Variants in GFOD1 observed in about 807,000 individuals in gnomAD.
GFOD1 encodes the protein Gfo/Idh/MocA-like oxidoreductase domain containing 1, also known as glucose-fructose oxidoreductase domain-containing protein 1.
GFOD1 carries 9 observed loss-of-function variants against 25.4 expected under a neutral mutation model. The ratio of observed to expected loss-of-function variants is 0.35; its 90% confidence interval spans 0.21 to 0.62. The LOEUF (loss-of-function observed/expected upper bound fraction) is 0.62. GFOD1 is among the 20% of genes least tolerant of loss of function. The pLI is 0.72. For missense variants in GFOD1, 403 were observed against 556.9 expected (o/e 0.72, Z 2.78); for synonymous variants, 253 against 245.6 (o/e 1.03, Z -0.28).
intron 1 of GFOD1, among the ~76,000 whole-genome samples, chr6:13,475,130 G>A (rs1025524547): frequency 1.3e-5 from 2 of 152,136 alleles, no homozygotes; most frequent in African/African-American, 4.8e-5. Context: ...AAATGAGTAT[G>A]AGATTTGAAT....
chr6:13,408,892 C>A (rs1369915219), intron 1 of GFOD1, among the ~76,000 whole-genome samples: 1 of 151,822 alleles, frequency 6.6e-6, no homozygotes, highest in Non-Finnish European at 1.5e-5. Context: ...TTGATACCAG[C>A]CTGGCTAACA....
At chr6:13,445,820 G>C (rs540919965) in intron 1 of GFOD1, among the ~76,000 whole-genome samples, 1 of 152,286 alleles carries the variant, frequency 6.6e-6, no homozygotes, top group South Asian at 2.1e-4. Context: ...TGTGACACAG[G>C]CTTGTCCTGC....
At chr6:13,426,255 C>T (rs778435142) in intron 1 of GFOD1, among the ~76,000 whole-genome samples, 4 of 152,238 alleles carry the variant, frequency 2.6e-5, no homozygotes, top group Non-Finnish European at 5.9e-5. Context: ...AGGCCACACA[C>T]GCCCCCAGGC....
chr6:13,479,754 T>C (rs543607188), intron 1 of GFOD1, among the ~76,000 whole-genome samples: 19 of 152,382 alleles, frequency 1.2e-4, no homozygotes, highest in Middle Eastern at 6.8e-3. Context: ...GAAATGAGAT[T>C]GGTGATGCTT....
At chr6:13,477,823 T>TG (rs1030279796) in intron 1 of GFOD1, among the ~76,000 whole-genome samples, 1 of 152,074 alleles carries the variant, frequency 6.6e-6, no homozygotes, top group Non-Finnish European at 1.5e-5. Flanking sequence ...CCCAACACTT[T>TG]GGAAGACTGA....
rs1784954705 is a variant in GFOD1, at chr6:13,362,058, T to C, written c.*2685A>G. ...AAAAATGAAACCCATTGAATCATTTTGTTTACTTTCCCTTCATCCTTAATC... is the reference window on the plus strand; with the variant it reads ...AAAAATGAAACCCATTGAATCATTTCGTTTACTTTCCCTTCATCCTTAATC... On this transcript the variant is annotated 3_prime_UTR_variant, in exon 2 of 2. Transcript: ENST00000379287. The C allele has an allele frequency of 6.6e-6, 1 of 152,208 alleles. No individual in the cohort carries two copies. Among genetic ancestry groups the C allele is most frequent in the African/African-American group, 2.4e-5 (1 of 41,458 alleles). The allele number at this position is 152,208 out of a possible 1,614,324, so 9.4% of individuals were successfully genotyped here.
chr6:13,397,311 A>T (rs1033737348), intron 1 of GFOD1, among the ~76,000 whole-genome samples: 3 of 152,130 alleles, frequency 2.0e-5, no homozygotes, highest in African/African-American at 7.2e-5. Flanking sequence ...AAATTTACCA[A>T]AGAGAAATGA....
At chr6:13,428,966 G>A (rs1333010798) in intron 1 of GFOD1, among the ~76,000 whole-genome samples, 1 of 152,214 alleles carries the variant, frequency 6.6e-6, no homozygotes, top group Non-Finnish European at 1.5e-5. Context: ...TATGAAAAGT[G>A]GGAATAAATG....
chr6:13,429,479 G>A lies in GFOD1; in HGVS notation c.253+57159C>T, dbSNP rs1176805124. ...GACACAGGGAGAGGGTGAGTTCCAC[G>A]GTCCTCTCAGACAGAAAAGTTTGGG... On this transcript the variant is annotated intron_variant, in intron 1 of 1. Transcript: ENST00000379287. Among the ~76,000 whole-genome samples, 3 of 152,204 alleles carry A rather than the reference G, an allele frequency of 2.0e-5. No homozygotes were observed. The East Asian group carries it at 5.8e-4, about 29-fold the overall frequency.
chr6:13,379,468 T>C (rs1785316929), intron 1 of GFOD1, among the ~76,000 whole-genome samples: 1 of 151,812 alleles, frequency 6.6e-6, no homozygotes, highest in Non-Finnish European at 1.5e-5. Context: ...GGTAGCAGCA[T>C]CTAGTTTCTA....
At chr6:13,382,353 G>A (rs968505757) in intron 1 of GFOD1, among the ~76,000 whole-genome samples, 1 of 149,044 alleles carries the variant, frequency 6.7e-6, no homozygotes, top group East Asian at 1.9e-4. Flanking sequence ...ATCATGGGGG[G>A]GGGGGTTCTT....
chr6:13,454,986 A>G (rs1758163343), intron 1 of GFOD1, among the ~76,000 whole-genome samples: 1 of 152,192 alleles, frequency 6.6e-6, no homozygotes, highest in South Asian at 2.1e-4. Flanking sequence ...GACACTGTAA[A>G]GGCATTTGGA....
intron 1 of GFOD1, among the ~76,000 whole-genome samples, chr6:13,456,467 A>T (rs536674093): frequency 3.0e-4 from 46 of 152,208 alleles, no homozygotes; most frequent in African/African-American, 1.0e-3. Flanking sequence ...GAGCCACCAC[A>T]CTTGGCCTCC....
At chr6:13,451,618 C>T (rs1052208754) in intron 1 of GFOD1, among the ~76,000 whole-genome samples, 4 of 152,228 alleles carry the variant, frequency 2.6e-5, no homozygotes, top group African/African-American at 2.4e-5. Context: ...GGGAGAGGGG[C>T]GGCCAAAGGC....
At chr6:13,384,060 C>T (rs1186952191) in intron 1 of GFOD1, among the ~76,000 whole-genome samples, 1 of 152,120 alleles carries the variant, frequency 6.6e-6, no homozygotes, top group African/African-American at 2.4e-5. Context: ...AACTCCGTCT[C>T]TACTAAAAAT....
chr6:13,400,270 A>G (rs1205610113), intron 1 of GFOD1, among the ~76,000 whole-genome samples: 1 of 152,158 alleles, frequency 6.6e-6, no homozygotes, highest in African/African-American at 2.4e-5. Flanking sequence ...GTAAATAGCC[A>G]CTGCCCTGAA....
At chr6:13,378,903 T>G (rs1785306450) in intron 1 of GFOD1, among the ~76,000 whole-genome samples, 1 of 152,130 alleles carries the variant, frequency 6.6e-6, no homozygotes, top group African/African-American at 2.4e-5. Context: ...GAGATCCTCC[T>G]GCTTCAGCCA....
At chr6:13,384,338 G>A (rs1334233787) in intron 1 of GFOD1, among the ~76,000 whole-genome samples, 1 of 152,230 alleles carries the variant, frequency 6.6e-6, no homozygotes, top group East Asian at 1.9e-4. Flanking sequence ...AATACTTATT[G>A]TTTGGACTTA....
chr6:13,485,138 T>C (rs2127580524), intron 1 of GFOD1, among the ~76,000 whole-genome samples: 1 of 152,330 alleles, frequency 6.6e-6, no homozygotes, highest in Admixed American at 6.5e-5. Context: ...CTTAATAAAA[T>C]TAACTGACAA....
Sources: allele counts gnomAD v4.1 joint callset (sites outside exome capture counted in the v4.1 genomes callset), GRCh38; gene constraint gnomAD v4.1.1; transcripts MANE v1.5; gene names NCBI Gene and HGNC (gene_info 2026-07-23, HGNC 2026-07-21).